Variants in IQGAP3 observed in about 807,000 individuals in gnomAD.
The protein encoded by IQGAP3 is ras GTPase-activating-like protein IQGAP3.
A neutral mutation model predicts 208.2 loss-of-function variants in IQGAP3; 165 were observed. The observed-to-expected ratio is 0.79, with a 90% confidence interval of 0.70 to 0.90. IQGAP3 has a LOEUF of 0.90. IQGAP3 is among the 40% of genes least tolerant of loss of function. The probability of loss-of-function intolerance (pLI) is 0.00; values close to 1 mark genes in which losing one functional copy is unlikely to be tolerated. For synonymous variants in IQGAP3, 703 were observed against 803.6 expected (o/e 0.87, Z 2.12); for missense variants, 1,811 against 2,043.1 (o/e 0.89, Z 2.19).
chr1:156,548,091 T>C lies in IQGAP3; in HGVS notation c.2286A>G (p.Pro762=), dbSNP rs1442286597. The C allele has an allele frequency of 2.5e-6, 4 of 1,613,482 alleles. No individual in the cohort carries two copies. The highest frequency in any genetic ancestry group is 1.1e-5 in the South Asian group (1 of 90,922). ...CTGCCACCTGGATCTTGATGACTGC[T>C]GGGAGCCAGGTCCTCAGAAAGTGGG... is the stretch of plus-strand genomic sequence containing the variant. The part of the protein sequence containing the change: ...EHSHFLRTWL[P]AVIKIQAHWR... Residue 762 remains proline, a synonymous_variant, in exon 19 of 38, where the codon CCA becomes CCG. Coordinates refer to ENST00000361170, the MANE Select transcript of IQGAP3 (RefSeq NM_178229.5).
chr1:156,533,945 CCCCAT>C, intron 30 of IQGAP3, 59 bp downstream of exon 30: 1 of 1,607,510 alleles, frequency 6.2e-7, no homozygotes, highest in South Asian at 1.1e-5. Context: ...CAGCCCACTA[CCCCAT>C]CACAGGCTAC....
chr1:156,562,449 T>C, intron 9 of IQGAP3, 138 bp downstream of exon 9: 3 of 719,026 alleles, frequency 4.2e-6, no homozygotes, highest in Non-Finnish European at 7.4e-6. Flanking sequence ...CCTTGGACTC[T>C]GATCTTTCTC....
chr1:156,570,027 G>A (rs1210253362), intron 1 of IQGAP3, among the ~76,000 whole-genome samples: 1 of 152,092 alleles, frequency 6.6e-6, no homozygotes, highest in Non-Finnish European at 1.5e-5. Flanking sequence ...GTACCTCCCA[G>A]CTGGGACATC....
In IQGAP3 at chr1:156,534,866, C is replaced by A. The variant is rs745597; in HGVS notation, c.3508-133G>T. On this transcript the variant is annotated intron_variant, in intron 28 of 37. Transcript: ENST00000361170. Reference sequence around the variant, plus strand: ...CACTTCAAAGAAAACAGGCCCAGAGCAGGCAGACAACTTGCTTAAGGCCAC... The same window carrying A: ...CACTTCAAAGAAAACAGGCCCAGAGAAGGCAGACAACTTGCTTAAGGCCAC... 1,397 of 696,764 alleles carry A rather than the reference C, an allele frequency of 2.0e-3. 13 individuals are homozygous for A. The highest frequency in any genetic ancestry group is 0.017 in the South Asian group (856 of 50,274). The allele number at this position is 696,764 out of a possible 1,614,324, so 43.2% of individuals were successfully genotyped here. A position where few individuals can be genotyped will look rare whatever the true frequency, so the allele number is the denominator to read the frequency against.
At chr1:156,564,113 G>A (rs1676290793) in intron 5 of IQGAP3, among the ~76,000 whole-genome samples, 1 of 152,150 alleles carries the variant, frequency 6.6e-6, no homozygotes, top group African/African-American at 2.4e-5. Flanking sequence ...AGGACAGGAA[G>A]GGCGCAGCAA....
chr1:156,543,011 G>T (rs939681061), intron 22 of IQGAP3, among the ~76,000 whole-genome samples: 2 of 151,816 alleles, frequency 1.3e-5, no homozygotes, highest in South Asian at 4.2e-4. Flanking sequence ...GGGCCACACA[G>T]CTAGTAAATG....
At chr1:156,541,836 T>C (rs1675001604) in intron 22 of IQGAP3, among the ~76,000 whole-genome samples, 1 of 152,124 alleles carries the variant, frequency 6.6e-6, no homozygotes, top group African/African-American at 2.4e-5. Context: ...TGGGGATCTT[T>C]GGGAAAACAA....
chr1:156,531,391 G>A, intron 32 of IQGAP3, 144 bp from the exon 33 acceptor site: 1 of 655,672 alleles, frequency 1.5e-6, no homozygotes, highest in South Asian at 1.6e-5. Context: ...AGGGATAGGG[G>A]ATGTCGTTGC....
At chr1:156,571,445 G>C (rs1346167193) in intron 1 of IQGAP3, among the ~76,000 whole-genome samples, 1 of 152,122 alleles carries the variant, frequency 6.6e-6, no homozygotes, top group African/African-American at 2.4e-5. Context: ...GAGCAGTTAA[G>C]TAAATTAAAA....
intron 22 of IQGAP3, among the ~76,000 whole-genome samples, chr1:156,541,490 G>T (rs1270683057): frequency 1.3e-5 from 2 of 152,124 alleles, no homozygotes; most frequent in Admixed American, 6.6e-5. Context: ...GAGCAAAAAA[G>T]AAAGAAGCCT....
Position 156,566,069 on chromosome 1 carries a change from G to C in IQGAP3, c.318C>G (p.Ile106Met), listed in dbSNP as rs778878191. The C allele has an allele frequency of 1.7e-5, 28 of 1,613,790 alleles. No individual in the cohort carries two copies. The highest frequency in any genetic ancestry group is 2.4e-5 in the Non-Finnish European group (28 of 1,179,844). ...TGLHFRHTDN[I>M]NFWLSAIAHI... ...GGGCTATTGCAGATAGCCAAAAGTT[G>C]ATGTTGTCTGTGTGACGGAAATGTA... Residue 106 changes from isoleucine (I) to methionine (M), a missense_variant, in exon 4 of 38, where the codon ATC becomes ATG. Physicochemically the swap from Ile to Met is conservative, Grantham distance 10. Transcript: ENST00000361170.
intron 16 of IQGAP3, among the ~76,000 whole-genome samples, chr1:156,549,181 C>T (rs772986450): frequency 6.6e-6 from 1 of 152,102 alleles, no homozygotes; most frequent in Non-Finnish European, 1.5e-5. Flanking sequence ...CAAAAATTGG[C>T]CAGGCACTGT....
At position 156,550,298 on chromosome 1, in the gene IQGAP3, C is replaced by A. The variant is rs1342512463; in HGVS notation, c.1788G>T (p.Val596=). 1 of 1,613,776 alleles carries A rather than the reference C, an allele frequency of 6.2e-7. No homozygotes were observed. The highest frequency in any genetic ancestry group is 1.7e-5 in the Admixed American group (1 of 59,988). Residue 596 remains valine, a synonymous_variant, in exon 16 of 38, where the codon GTG becomes GTT. Transcript: ENST00000361170. ...TATTAGTGTCCTGGTTGGCTCTGACCACTCCCTGGCGGATCTCCTCAAGCC... is the reference window on the plus strand; with the variant it reads ...TATTAGTGTCCTGGTTGGCTCTGACAACTCCCTGGCGGATCTCCTCAAGCC... ...VLWLEEIRQG[V]VRANQDTNTA...
rs138503134 is a variant in IQGAP3, at chr1:156,534,581, C to T, written c.3660G>A (p.Ala1220=). Residue 1220 remains alanine, a synonymous_variant, in exon 29 of 38, where the codon GCG becomes GCA. Transcript: ENST00000361170. Reference sequence around the variant, plus strand: ...TCTGCCCAGAGAAGGCCTTGCCAGCCGCAGCGTGCTGTAGGAGCTGAGCCA... The same window carrying T: ...TCTGCCCAGAGAAGGCCTTGCCAGCTGCAGCGTGCTGTAGGAGCTGAGCCA... The part of the protein sequence containing the change: ...GAVAQLLQHA[A]AGKAFSGQSQ... 758 of 1,612,178 alleles carry T rather than the reference C, an allele frequency of 4.7e-4. 3 individuals carry two copies. The highest frequency in any genetic ancestry group is 1.5e-3 in the Admixed American group (92 of 59,882).
rs751536368 is a variant in IQGAP3 at position 156,539,428 on chromosome 1, C to G, written c.3002G>C (p.Arg1001Pro). 1 of 1,614,028 alleles carries G rather than the reference C, an allele frequency of 6.2e-7. No individual in the cohort carries two copies. Among genetic ancestry groups the G allele is most frequent in the Non-Finnish European group, 8.5e-7 (1 of 1,179,940 alleles). ...CAGCTGGAGCAGGAGATAGGCCTCT[C>G]GGCGGCTGGAGGCATAGTTGTACAG... ...FSLYNYASSRREAYLLLQLFK... is the reference protein window; with the variant it reads ...FSLYNYASSRPEAYLLLQLFK... Residue 1001 changes from arginine (R) to proline (P), a missense_variant, in exon 25 of 38, where the codon CGA (arginine) becomes CCA (proline). Transcript: ENST00000361170.
chr1:156,553,898 C>T (rs1468473009), intron 13 of IQGAP3, among the ~76,000 whole-genome samples: 1 of 152,220 alleles, frequency 6.6e-6, no homozygotes, highest in Non-Finnish European at 1.5e-5. Flanking sequence ...CTTCTTTTCT[C>T]ATCATCTGTC....
chr1:156,530,963 T>TCTGTAGCCCGAGGCTTCCCAAGGCTAAAG (rs1674364038), intron 33 of IQGAP3, among the ~76,000 whole-genome samples, 197 bp downstream of exon 33: 4 of 152,184 alleles, frequency 2.6e-5, no homozygotes, highest in Non-Finnish European at 5.9e-5. Flanking sequence ...GCCCCATGAC[T>TCTGTAGCCCGAGGCTTCCCAAGGCTAAAG]CTGTAGCCCG....
At chr1:156,562,705 T>C in intron 8 of IQGAP3, 40 bp from the exon 9 acceptor site, 3 of 1,509,310 alleles carry the variant, frequency 2.0e-6, no homozygotes, top group Non-Finnish European at 2.8e-6. Context: ...GGAAACCCAA[T>C]TTAATCTCCT....
Position 156,528,598 on chromosome 1 carries a change from C to A in IQGAP3, c.4584G>T (p.Lys1528Asn). 2 of 1,612,688 alleles carry A rather than the reference C, an allele frequency of 1.2e-6. No individual in the cohort carries two copies. Among genetic ancestry groups the A allele is most frequent in the Non-Finnish European group, 1.7e-6 (2 of 1,178,914 alleles). ...AATGAAGAGAAGGCTGCTTCTTCCC[C>A]TTCCCAGAACTCCTGATTAAAAGAA... is the stretch of plus-strand genomic sequence containing the variant. Reference protein sequence around the residue: ...HLAPDSKSSGKGKKQPSLHYT... With the variant: ...HLAPDSKSSGNGKKQPSLHYT... Residue 1528 changes from lysine (K) to asparagine (N), a missense_variant, in exon 36 of 38, where the codon AAG becomes AAT. Physicochemically the swap from Lys to Asn is moderately conservative, Grantham distance 94. Coordinates refer to ENST00000361170, the MANE Select transcript of IQGAP3 (RefSeq NM_178229.5).
Sources: gnomAD v4.1 joint callset for allele counts (sites outside exome capture counted in the v4.1 genomes callset) on GRCh38, gnomAD v4.1.1 for gene constraint, MANE v1.5 for transcripts, NCBI Gene and HGNC (gene_info 2026-07-23, HGNC 2026-07-21) for gene names.